Variants in UBE2E2 observed in about 807,000 individuals in gnomAD.
UBE2E2 encodes ubiquitin conjugating enzyme E2 E2.
UBE2E2 carries 6 observed loss-of-function variants against 24.7 expected under a neutral mutation model. That is an observed-to-expected ratio of 0.24 (90% CI 0.13 to 0.48). UBE2E2 has a LOEUF of 0.48. Ranked by LOEUF, UBE2E2 falls within the 20% of genes least tolerant of loss-of-function variation. The pLI is 0.99. For missense variants in UBE2E2, 169 were observed against 245.0 expected (o/e 0.69, Z 2.07); for synonymous variants, 104 against 83.6 (o/e 1.24, Z -1.33).
intron 4 of UBE2E2, among the ~76,000 whole-genome samples, chr3:23,518,191 A>G (rs1694785531): frequency 6.6e-6 from 1 of 152,192 alleles, no homozygotes; most frequent in Non-Finnish European, 1.5e-5. Context: ...ATGAAGCAAG[A>G]TACTCTAGAA....
At chr3:23,522,073 A>C (rs1575683081) in intron 4 of UBE2E2, among the ~76,000 whole-genome samples, 1 of 151,850 alleles carries the variant, frequency 6.6e-6, no homozygotes, top group East Asian at 1.9e-4. Flanking sequence ...ATGTTATTGG[A>C]TAACTTGTCC....
intron 5 of UBE2E2, among the ~76,000 whole-genome samples, chr3:23,546,324 G>GA (rs1273125185): frequency 6.6e-6 from 1 of 151,892 alleles, no homozygotes; most frequent in East Asian, 1.9e-4. Flanking sequence ...TTGTTGTTTA[G>GA]AGAAACAAAT....
chr3:23,321,933 C>T (rs1250825938), intron 3 of UBE2E2, among the ~76,000 whole-genome samples: 5 of 151,798 alleles, frequency 3.3e-5, no homozygotes, highest in South Asian at 4.2e-4. Flanking sequence ...TAATTTATGC[C>T]GTAAGAGAAT....
chr3:23,393,414 T>G (rs1696999942), intron 3 of UBE2E2, among the ~76,000 whole-genome samples: 1 of 152,192 alleles, frequency 6.6e-6, no homozygotes, highest in South Asian at 2.1e-4. Flanking sequence ...TCTCAAGATG[T>G]GGTCGCTGGA....
In UBE2E2 at chr3:23,580,331, G is replaced by T. The variant is rs76331063; in HGVS notation, c.509-9403G>T. On this transcript the variant is annotated intron_variant, in intron 5 of 5. Transcript: ENST00000396703. ...TATTGTTGTCTTATTGTAAGAAATT[G>T]CCATAGCCACCCCAGCCTTCAGTAA... 7.8e-3 allele frequency among the ~76,000 whole-genome samples: 1,182 copies of T among 152,272 alleles called. 27 individuals are homozygous for T. In the East Asian group the frequency reaches 0.078, roughly 10 times the overall value.
intron 3 of UBE2E2, among the ~76,000 whole-genome samples, chr3:23,343,704 C>A (rs1695466706): frequency 6.6e-6 from 1 of 152,210 alleles, no homozygotes; most frequent in Non-Finnish European, 1.5e-5. Flanking sequence ...ACATTGCCAG[C>A]CCTCCTTTCC....
At chr3:23,342,129 T>A (rs1016934501) in intron 3 of UBE2E2, among the ~76,000 whole-genome samples, 2 of 152,176 alleles carry the variant, frequency 1.3e-5, no homozygotes, top group African/African-American at 4.8e-5. Context: ...ACACTATTTA[T>A]TTCTGTCTAG....
chr3:23,272,670 C>CAG (rs537050062), intron 3 of UBE2E2, among the ~76,000 whole-genome samples: 5,322 of 149,846 alleles, frequency 0.036, 131 homozygotes, highest in East Asian at 0.13. Context: ...ATCTATATCT[C>CAG]AGAGAGAGAG....
At position 23,252,606 on chromosome 3, in the gene UBE2E2, C is replaced by T. The variant is rs1473698780; in HGVS notation, c.227+35294C>T. 2.0e-5 allele frequency among the ~76,000 whole-genome samples: 3 copies of T among 152,204 alleles called. No homozygotes were observed. In the East Asian group the frequency reaches 5.8e-4, roughly 29 times the overall value. On this transcript the variant is annotated intron_variant, in intron 3 of 5. Transcript: ENST00000396703. ...CTGCCTCCTCGGTTCAAGCGATTCT[C>T]CTGCCTCAGCCTCCTCAGTAGCTGG...
intron 5 of UBE2E2, among the ~76,000 whole-genome samples, chr3:23,538,137 A>G (rs1695308913): frequency 6.6e-6 from 1 of 152,226 alleles, no homozygotes; most frequent in African/African-American, 2.4e-5. Flanking sequence ...TTCCTAGAAC[A>G]ATAACTACAG....
At chr3:23,410,381 G>C (rs2125380358) in intron 3 of UBE2E2, among the ~76,000 whole-genome samples, 2 of 152,132 alleles carry the variant, frequency 1.3e-5, no homozygotes, top group Middle Eastern at 3.4e-3. Context: ...TCGCATACTT[G>C]AGATAGATTT....
chr3:23,499,859 C>A, intron 4 of UBE2E2, 119 bp downstream of exon 4: 1 of 1,227,308 alleles, frequency 8.1e-7, no homozygotes, highest in Non-Finnish European at 1.1e-6. Flanking sequence ...AGACAGCTTC[C>A]CAGGATTGAT....
At chr3:23,301,664 C>T (rs576040619) in intron 3 of UBE2E2, among the ~76,000 whole-genome samples, 7 of 152,130 alleles carry the variant, frequency 4.6e-5, no homozygotes, top group East Asian at 3.9e-4. Context: ...GAGGAGTACC[C>T]GGCCGTGTGA....
rs1250571718 is a variant in UBE2E2 at position 23,551,090 on chromosome 3, A to G, written c.508+18389A>G. ...ACTCCCTGTTAGAGTAAAATGCAAC[A>G]TTCTTTGGAATAAGGTACAACATTC... On this transcript the variant is annotated intron_variant, in intron 5 of 5. Transcript: ENST00000396703. 2.6e-5 allele frequency among the ~76,000 whole-genome samples: 4 copies of G among 152,354 alleles called. No homozygotes were observed. In the South Asian group the frequency reaches 6.2e-4, roughly 24 times the overall value.
chr3:23,438,208 G>A (rs1262387157), intron 3 of UBE2E2, among the ~76,000 whole-genome samples: 3 of 152,146 alleles, frequency 2.0e-5, no homozygotes, highest in African/African-American at 7.2e-5. Context: ...GCTTCAGAAA[G>A]AGCAAAAGTA....
chr3:23,391,003 T>C (rs903202836), intron 3 of UBE2E2, among the ~76,000 whole-genome samples: 1 of 152,386 alleles, frequency 6.6e-6, no homozygotes, highest in African/African-American at 2.4e-5. Flanking sequence ...CAACTAATAC[T>C]TCTTCAATGC....
chr3:23,482,257 GA>G (rs1448356607), intron 3 of UBE2E2, among the ~76,000 whole-genome samples: 1 of 152,146 alleles, frequency 6.6e-6, no homozygotes, highest in Admixed American at 6.5e-5. Flanking sequence ...GTGCCCTCTA[GA>G]AATACTGACC....
At chr3:23,296,993 T>C (rs1201282662) in intron 3 of UBE2E2, among the ~76,000 whole-genome samples, 2 of 152,342 alleles carry the variant, frequency 1.3e-5, no homozygotes, top group South Asian at 2.1e-4. Flanking sequence ...TTTTTAATGA[T>C]TGCCATTCTA....
intron 3 of UBE2E2, among the ~76,000 whole-genome samples, chr3:23,389,467 G>A (rs1696885033): frequency 6.6e-6 from 1 of 152,210 alleles, no homozygotes; most frequent in African/African-American, 2.4e-5. Flanking sequence ...TCTCTCCGGG[G>A]AGGACATTAG....
Sources: allele counts gnomAD v4.1 joint callset (sites outside exome capture counted in the v4.1 genomes callset), GRCh38; gene constraint gnomAD v4.1.1; transcripts MANE v1.5; gene names NCBI Gene and HGNC (gene_info 2026-07-23, HGNC 2026-07-21).